Variants in KPNA6 observed in about 807,000 individuals in gnomAD.
KPNA6 encodes the protein karyopherin subunit alpha 6.
In KPNA6, 9 loss-of-function variants were observed where a neutral mutation model predicts 72.0. The observed-to-expected ratio is 0.13, with a 90% CI of 0.08 to 0.22. The LOEUF is 0.22. KPNA6 is among the 10% of genes least tolerant of loss of function. The pLI is 1.00. For missense variants in KPNA6, 374 were observed against 655.7 expected, an observed-to-expected ratio of 0.57 and a Z score of 4.69; for synonymous variants, 219 against 242.1, an observed-to-expected ratio of 0.90 and a Z score of 0.89.
intron 1 of KPNA6, 97 bp downstream of exon 1, chr1:32,108,231 G>A: frequency 6.5e-7 from 1 of 1,547,644 alleles, no homozygotes; most frequent in Non-Finnish European, 8.9e-7. Flanking sequence ...GAAGATGTCT[G>A]CATCCCCTCT....
In KPNA6 at chr1:32,169,749, C is replaced by T. The variant is rs188999677; in HGVS notation, c.1245-133C>T. 7.2e-4 allele frequency: 539 copies of T among 745,534 alleles called. 1 individual carries two copies. In the African/African-American group the frequency reaches 7.4e-3, roughly 10 times the overall value. The allele number at this position is 745,534 out of a possible 1,614,324, so 46.2% of individuals were successfully genotyped here. ...TGCTGGGATCACAGGTGTGAACCAC[C>T]GCGCTCGGCCTCACAATTCTTAAAA... On this transcript the variant is annotated intron_variant, in intron 12 of 13. Transcript: ENST00000373625.
chr1:32,149,151 C>T (rs1641984841), intron 1 of KPNA6, among the ~76,000 whole-genome samples: 1 of 151,962 alleles, frequency 6.6e-6, no homozygotes, highest in Non-Finnish European at 1.5e-5. Flanking sequence ...TTGAACCCCT[C>T]TAGTGAATTT....
chr1:32,129,215 G>A (rs1641593463), intron 1 of KPNA6, among the ~76,000 whole-genome samples: 1 of 148,514 alleles, frequency 6.7e-6, no homozygotes, highest in East Asian at 2.0e-4. Context: ...CCAGGCTGGA[G>A]TGCAGTGTGA....
Position 32,174,691 on chromosome 1 carries a change from G to C in KPNA6, c.*3797G>C, listed in dbSNP as rs2124111393. 6.6e-6 allele frequency: 1 copy of C among 152,266 alleles called. No individual in the cohort carries two copies. Among genetic ancestry groups the C allele is most frequent in the Middle Eastern group, 3.4e-3 (1 of 294 alleles). The allele number at this position is 152,266 out of a possible 1,614,324, so 9.4% of individuals were successfully genotyped here. A position where few individuals can be genotyped will look rare whatever the true frequency, so the allele number is the denominator to read the frequency against. On this transcript the variant is annotated 3_prime_UTR_variant, in exon 14 of 14. Transcript: ENST00000373625. Reference sequence around the variant, plus strand: ...GAAGACAGGGAGCCAATTTCCCCCAGGTCCCTGCAGGTAATCCAGGGACCC... The same window carrying C: ...GAAGACAGGGAGCCAATTTCCCCCACGTCCCTGCAGGTAATCCAGGGACCC...
At chr1:32,138,259 A>C (rs1334204405) in intron 1 of KPNA6, among the ~76,000 whole-genome samples, 1 of 152,062 alleles carries the variant, frequency 6.6e-6, no homozygotes, top group African/African-American at 2.4e-5. Flanking sequence ...TAGAGGTGGA[A>C]GCTGGCCAGG....
At chr1:32,113,333 C>T (rs1641271738) in intron 1 of KPNA6, among the ~76,000 whole-genome samples, 2 of 152,050 alleles carry the variant, frequency 1.3e-5, no homozygotes, top group Admixed American at 1.3e-4. Flanking sequence ...GTTGAGGTTG[C>T]AGTGAGATGA....
At chr1:32,129,778 A>G (rs956821113) in intron 1 of KPNA6, among the ~76,000 whole-genome samples, 4 of 152,052 alleles carry the variant, frequency 2.6e-5, no homozygotes, top group Non-Finnish European at 4.4e-5. Context: ...TCCCAGGCTT[A>G]TATTCCTTGT....
At chr1:32,135,839 T>A (rs1641725435) in intron 1 of KPNA6, among the ~76,000 whole-genome samples, 1 of 151,810 alleles carries the variant, frequency 6.6e-6, no homozygotes, top group Non-Finnish European at 1.5e-5. Flanking sequence ...GTTGCCCAGC[T>A]CTATAAATAC....
intron 1 of KPNA6, among the ~76,000 whole-genome samples, chr1:32,148,988 G>A (rs575493498): frequency 3.9e-5 from 6 of 152,048 alleles, no homozygotes; most frequent in South Asian, 2.1e-4. Flanking sequence ...CCACCGTGCC[G>A]GCCATATTGG....
At position 32,167,505 on chromosome 1, in the gene KPNA6, A is replaced by G. The variant is rs892908583; in HGVS notation, c.1244+209A>G. Reference sequence around the variant, plus strand: ...CATGTGGGAATCTATTCCAGATTCCAGTGACACTATAACAGTTTACCAGTT... The same window carrying G: ...CATGTGGGAATCTATTCCAGATTCCGGTGACACTATAACAGTTTACCAGTT... On this transcript the variant is annotated intron_variant, in intron 12 of 13. Transcript: ENST00000373625. Among the ~76,000 whole-genome samples, 3 of 152,202 alleles carry G rather than the reference A, an allele frequency of 2.0e-5. No homozygotes were observed. In the East Asian group the frequency reaches 5.8e-4, roughly 30 times the overall value.
intron 1 of KPNA6, among the ~76,000 whole-genome samples, chr1:32,109,253 C>G (rs1641201577): frequency 6.6e-6 from 1 of 151,914 alleles, no homozygotes; most frequent in Non-Finnish European, 1.5e-5. Flanking sequence ...ACTGCAACCT[C>G]CTGCCTCCCG....
Position 32,160,684 on chromosome 1 carries a change from A to G in KPNA6, c.628A>G (p.Ile210Val), listed in dbSNP as rs1642221452. The G allele has an allele frequency of 6.2e-7, 1 of 1,613,696 alleles. No individual in the cohort carries two copies. Among genetic ancestry groups the G allele is most frequent in the Non-Finnish European group, 8.5e-7 (1 of 1,179,598 alleles). Residue 210 changes from isoleucine to valine, a missense_variant, in exon 7 of 14, where the codon ATC (isoleucine) becomes GTC (valine). By Grantham distance (29) the Ile-to-Val change is conservative (BLOSUM62 3). This residue lies in a region of KPNA6 where 298 missense variants were observed against 495.4 expected (regional missense o/e 0.60). Transcript: ENST00000373625. The stretch of plus-strand genomic sequence containing the variant: ...CCGAGATTACGTCTTGAACTGTTCC[A>G]TCCTTAATCCTTTGTTAACGTGAGT... ...VCRDYVLNCSILNPLLTLLTK... is the reference protein window; with the variant it reads ...VCRDYVLNCSVLNPLLTLLTK...
intron 5 of KPNA6, 131 bp from the exon 6 acceptor site, chr1:32,159,269 C>T (rs916921722): frequency 1.1e-6 from 1 of 886,832 alleles, no homozygotes; most frequent in Non-Finnish European, 1.7e-6. Context: ...AAGAGGCTTG[C>T]TTGTGTTTTG....
rs376077938 is a variant in KPNA6 at position 32,167,853 on chromosome 1, C to CAAA, written c.1244+570_1244+572dup. On this transcript the variant is annotated intron_variant, in intron 12 of 13. Coordinates refer to ENST00000373625, the MANE Select transcript of KPNA6 (RefSeq NM_012316.5). ...TGAGTGACAGAGCCAGAGTCTGTCA[C>CAAA]AAAAAAAAAAAAAAACAAAAAAAAA... Among the ~76,000 whole-genome samples the CAAA allele has an allele frequency of 3.0e-4, 24 of 80,066 alleles. 1 individual carries two copies. The highest frequency in any genetic ancestry group is 9.0e-4 in the African/African-American group (23 of 25,432). 52.5% of individuals were successfully genotyped at this position (80,066 alleles called of 152,430 possible). A position where few individuals can be genotyped will look rare whatever the true frequency, so the allele number is the denominator to read the frequency against.
At position 32,176,255 on chromosome 1, in the gene KPNA6, C is replaced by T. The variant is rs1034429900; in HGVS notation, c.*5361C>T. The T allele has an allele frequency of 2.6e-5, 4 of 152,132 alleles. No homozygotes were observed. The highest frequency in any genetic ancestry group is 9.7e-5 in the African/African-American group (4 of 41,428). 9.4% of individuals were successfully genotyped at this position (152,132 alleles called of 1,614,324 possible). A position where few individuals can be genotyped will look rare whatever the true frequency, so the allele number is the denominator to read the frequency against. ...GAGACTGGATATCCCCCGAGAATGG[C>T]TTGGGTTACCAGCTATGGACCCTTG... is the stretch of plus-strand genomic sequence containing the variant. On this transcript the variant is annotated 3_prime_UTR_variant, in exon 14 of 14. Transcript: ENST00000373625.
intron 1 of KPNA6, among the ~76,000 whole-genome samples, chr1:32,150,986 G>T (rs1424516144): frequency 6.6e-6 from 1 of 152,030 alleles, no homozygotes; most frequent in Non-Finnish European, 1.5e-5. Flanking sequence ...CAGCGGTGCA[G>T]TCATAGCTCA....
chr1:32,138,134 CA>C (rs1192542076), intron 1 of KPNA6, among the ~76,000 whole-genome samples: 1,407 of 73,820 alleles, frequency 0.019, 41 homozygotes, highest in Admixed American at 0.13. Flanking sequence ...AAACTCTGTC[CA>C]AAAAAAAAAA....
At chr1:32,134,469 C>T (rs563091464) in intron 1 of KPNA6, among the ~76,000 whole-genome samples, 38 of 151,424 alleles carry the variant, frequency 2.5e-4, no homozygotes, top group African/African-American at 5.1e-4. Flanking sequence ...AACAAAACCC[C>T]GTCTCTACTC....
chr1:32,117,168 G>GT (rs367551348), intron 1 of KPNA6, among the ~76,000 whole-genome samples: 3,382 of 148,280 alleles, frequency 0.023, 110 homozygotes, highest in African/African-American at 0.071. Flanking sequence ...CCTTCAATTT[G>GT]TTTTTTTTTG....
Sources: gnomAD v4.1 joint callset for allele counts (sites outside exome capture counted in the v4.1 genomes callset) on GRCh38, gnomAD v4.1.1 for gene constraint, gnomAD v4.1.1 regional missense constraint, MANE v1.5 for transcripts, NCBI Gene and HGNC (gene_info 2026-07-23, HGNC 2026-07-21) for gene names.